PADI2: variants seen among roughly 807,000 people sequenced by gnomAD.
PADI2 encodes the protein protein-arginine deiminase type-2.
In PADI2, 70 loss-of-function variants were observed where a neutral mutation model predicts 81.1. That is an observed-to-expected ratio of 0.86 (90% CI 0.71 to 1.05). The LOEUF (loss-of-function observed/expected upper bound fraction) is 1.05. Ranked by LOEUF, PADI2 falls within the 50% of genes least tolerant of loss-of-function variation. The pLI, the probability that PADI2 is intolerant of heterozygous loss-of-function variation, is 0.00. For missense variants in PADI2, 853 were observed against 889.9 expected (o/e 0.96, Z 0.53); for synonymous variants, 338 against 358.0 (o/e 0.94, Z 0.63).
intron 2 of PADI2, among the ~76,000 whole-genome samples, 153 bp downstream of exon 2, chr1:17,104,725 G>T (rs576063277): frequency 1.3e-5 from 2 of 152,124 alleles, no homozygotes; most frequent in Non-Finnish European, 2.9e-5. Context: ...GAGCTACTGC[G>T]CCCGGCCTCT....
chr1:17,077,681 G>A lies in PADI2; in HGVS notation c.1310+1583C>T, dbSNP rs1340461507. On this transcript the variant is annotated intron_variant, in intron 11 of 15. Coordinates refer to ENST00000375486, the MANE Select transcript of PADI2 (RefSeq NM_007365.3). ...TGAATGAGTGGCCACTGAGTGGAGG[G>A]AGAAGGAGGCAAAAGTGGGCAAACA... 2.0e-5 allele frequency among the ~76,000 whole-genome samples: 3 copies of A among 152,300 alleles called. No individual in the cohort carries two copies. The East Asian group carries it at 5.8e-4, about 29-fold the overall frequency.
At chr1:17,070,359 G>T in intron 14 of PADI2, 143 bp from the exon 15 acceptor site, 1 of 954,528 alleles carries the variant, frequency 1.0e-6, no homozygotes, top group Non-Finnish European at 1.6e-6. Context: ...CGCCTCTGCA[G>T]CCTCTCCCTG....
At chr1:17,076,978 C>A (rs1006350658) in intron 11 of PADI2, among the ~76,000 whole-genome samples, 22 of 152,138 alleles carry the variant, frequency 1.4e-4, no homozygotes, top group Non-Finnish European at 2.9e-4. Context: ...CCTTTCTGAT[C>A]TGGCTCCTGG....
Position 17,069,217 on chromosome 1 carries a change from C to A in PADI2, c.1825G>T (p.Glu609Ter). Residue 609 changes from glutamate to a stop codon, truncating the protein, a stop_gained, in exon 16 of 16, where the codon GAG (glutamate) becomes TAG (stop). Coordinates refer to ENST00000375486, the MANE Select transcript of PADI2 (RefSeq NM_007365.3). LOFTEE classifies it high-confidence loss of function. ...TGCATCTCCAGGCAGCATTCCTCCT[C>A]AACCTGTGGCCCGAATGGCTTGGGG... ...GIPKPFGPQVEEECCLEMHVR... is the reference protein window; with the variant it reads ...GIPKPFGPQV 2 of 1,614,244 alleles carry A rather than the reference C, an allele frequency of 1.2e-6. No individual in the cohort carries two copies. Among genetic ancestry groups the A allele is most frequent in the Non-Finnish European group, 1.7e-6 (2 of 1,180,040 alleles).
intron 15 of PADI2, 85 bp from the exon 16 acceptor site, chr1:17,069,362 C>G: frequency 1.0e-6 from 1 of 994,720 alleles, no homozygotes; most frequent in Non-Finnish European, 1.6e-6. Context: ...ATGGAACCCT[C>G]ACGGCAACCC....
At chr1:17,097,430 G>C (rs2243403) in intron 3 of PADI2, among the ~76,000 whole-genome samples, 93,985 of 152,116 alleles carry the variant, frequency 0.62, 29,386 homozygotes, top group African/African-American at 0.68. Flanking sequence ...CTTGAGAGAG[G>C]CAGTCTTGTG....
In PADI2 at chr1:17,098,927, C is replaced by T. The variant is rs1254734129; in HGVS notation, c.350-2957G>A. On this transcript the variant is annotated intron_variant, in intron 3 of 15. Coordinates refer to ENST00000375486, the MANE Select transcript of PADI2 (RefSeq NM_007365.3). Reference sequence around the variant, plus strand: ...TGCCTCTTGGGATGGCTCTGCCTTCCCGAGGGGGAGGAGGGAGAGGAGCTC... The same window carrying T: ...TGCCTCTTGGGATGGCTCTGCCTTCTCGAGGGGGAGGAGGGAGAGGAGCTC... Among the ~76,000 whole-genome samples, 9 of 152,352 alleles carry T rather than the reference C, an allele frequency of 5.9e-5. 1 individual carries two copies. The highest frequency in any genetic ancestry group is 2.2e-4 in the African/African-American group (9 of 41,576).
intron 15 of PADI2, among the ~76,000 whole-genome samples, chr1:17,069,625 ATGTG>A (rs1199461844): frequency 6.6e-6 from 1 of 150,764 alleles, no homozygotes; most frequent in Non-Finnish European, 1.5e-5. Context: ...CTGTGTGTGC[ATGTG>A]TGTATATATG....
intron 12 of PADI2, 98 bp from the exon 13 acceptor site, chr1:17,075,047 A>G: frequency 1.5e-6 from 1 of 685,094 alleles, no homozygotes; most frequent in Non-Finnish European, 2.5e-6. Flanking sequence ...TTGCCTGCTC[A>G]TTGCCTCAGG....
chr1:17,084,612 C>T lies in PADI2; in HGVS notation c.925G>A (p.Val309Met). 6.3e-7 allele frequency: 1 copy of T among 1,582,212 alleles called. No individual in the cohort carries two copies. Among genetic ancestry groups the T allele is most frequent in the South Asian group, 1.2e-5 (1 of 86,218 alleles). The change falls in exon 8 of 16, where the codon GTG becomes ATG. Residue 309 changes from valine (V) to methionine (M), a missense_variant. Val to Met is a conservative substitution (Grantham distance 21). Coordinates refer to ENST00000375486, the MANE Select transcript of PADI2 (RefSeq NM_007365.3). ...GTCACCCCTTACCAGCACACAAACA[C>T]CGACACGGGAGGCAGGATGTTGGGG... Reference protein sequence around the residue: ...MTPNILPPVSVFVCCMKDNYL... With the variant: ...MTPNILPPVSMFVCCMKDNYL...
intron 1 of PADI2, among the ~76,000 whole-genome samples, chr1:17,111,540 A>C (rs191844331): frequency 5.7e-4 from 87 of 152,304 alleles, no homozygotes; most frequent in African/African-American, 2.0e-3. Context: ...AAACTTTATA[A>C]TCTAAAGGAC....
Position 17,069,254 on chromosome 1 carries a change from C to G in PADI2, c.1788G>C (p.Lys596Asn). ...CGAATGGCTTGGGGATGCCCAGGTC[C>G]TTGTCCAGCACGATCATGTTCACCT... is the stretch of plus-strand genomic sequence containing the variant. ...PNMVNMIVLD[K>N]DLGIPKPFGP... The change falls in exon 16 of 16, where the codon AAG becomes AAC. Residue 596 changes from lysine to asparagine, a missense_variant. Physicochemically the swap from Lys to Asn is moderately conservative, Grantham distance 94. Coordinates refer to ENST00000375486, the MANE Select transcript of PADI2 (RefSeq NM_007365.3). 6.2e-7 allele frequency: 1 copy of G among 1,614,188 alleles called. No individual in the cohort carries two copies. Among genetic ancestry groups the G allele is most frequent in the Non-Finnish European group, 8.5e-7 (1 of 1,180,002 alleles).
chr1:17,077,769 A>C (rs1980508), intron 11 of PADI2, among the ~76,000 whole-genome samples: 135,978 of 152,234 alleles, frequency 0.89, 60,882 homozygotes, highest in East Asian at 0.99. Context: ...CTCGGAGGAA[A>C]CTGGCGGCCA....
chr1:17,076,421 G>C (rs1050337643), intron 11 of PADI2, among the ~76,000 whole-genome samples: 5 of 152,018 alleles, frequency 3.3e-5, no homozygotes, highest in African/African-American at 1.2e-4. Flanking sequence ...CACCATGTTG[G>C]CCAAGCTGGT....
chr1:17,117,244 T>C (rs1469769352), intron 1 of PADI2, among the ~76,000 whole-genome samples: 1 of 152,232 alleles, frequency 6.6e-6, no homozygotes, highest in Non-Finnish European at 1.5e-5. Flanking sequence ...TGCACTGGAT[T>C]ACAAAGACTT....
In PADI2 at chr1:17,075,717, C is replaced by T; in HGVS notation, c.1417G>A (p.Asp473Asn). ...ATGGGGACAAAGGACATGAACTCAT[C>T]CACGTGGCCCACAGTCAGCCAGTCT... ...YSDWLTVGHV[D>N]EFMSFVPIPG... The change falls in exon 12 of 16, where the codon GAT becomes AAT. Residue 473 changes from aspartate (D) to asparagine (N), a missense_variant. Physicochemically the swap from Asp to Asn is conservative, Grantham distance 23 (BLOSUM62 1). Coordinates refer to ENST00000375486, the MANE Select transcript of PADI2 (RefSeq NM_007365.3). 3 of 1,614,006 alleles carry T rather than the reference C, an allele frequency of 1.9e-6. No homozygotes were observed. Among genetic ancestry groups the T allele is most frequent in the Non-Finnish European group, 2.5e-6 (3 of 1,179,966 alleles).
At chr1:17,073,955 G>A (rs1188972586) in intron 13 of PADI2, among the ~76,000 whole-genome samples, 2 of 152,172 alleles carry the variant, frequency 1.3e-5, no homozygotes, top group African/African-American at 4.8e-5. Context: ...CAACCACGAT[G>A]TCTGACCATG....
intron 5 of PADI2, 32 bp from the exon 6 acceptor site, chr1:17,092,565 T>C (rs1380303724): frequency 1.9e-6 from 3 of 1,539,226 alleles, no homozygotes; most frequent in Non-Finnish European, 8.8e-7. Context: ...TGAAGAGATC[T>C]ATCTGTTGCT....
chr1:17,109,775 G>C (rs1193921829), intron 1 of PADI2, among the ~76,000 whole-genome samples: 2 of 152,108 alleles, frequency 1.3e-5, no homozygotes, highest in East Asian at 3.9e-4. Flanking sequence ...ACAGGAGTGA[G>C]CCACCATGCC....
Sources: allele counts gnomAD v4.1 joint callset (sites outside exome capture counted in the v4.1 genomes callset), GRCh38; gene constraint gnomAD v4.1.1; transcripts MANE v1.5; gene names NCBI Gene and HGNC (gene_info 2026-07-23, HGNC 2026-07-21).